The following AMN1 variants were observed in gnomAD, a reference collection of about 807,000 sequenced individuals.
AMN1 encodes the protein antagonist of mitotic exit network 1 homolog.
AMN1 carries 20 observed loss-of-function variants against 33.0 expected under a neutral mutation model. The observed-to-expected ratio is 0.61, with a 90% CI of 0.43 to 0.88. The LOEUF is 0.88. AMN1 is among the 40% of genes least tolerant of loss of function. AMN1 has a pLI of 0.00. For missense variants in AMN1, 246 were observed against 307.4 expected (o/e 0.80, Z 1.49); for synonymous variants, 114 against 111.9 (o/e 1.02, Z -0.12).
intron 6 of AMN1, among the ~76,000 whole-genome samples, chr12:31,684,583 G>C (rs933398850): frequency 3.3e-4 from 50 of 150,704 alleles, no homozygotes; most frequent in African/African-American, 1.1e-3. Flanking sequence ...CCATTCTCCT[G>C]CCTCAGCCTC....
intron 1 of AMN1, among the ~76,000 whole-genome samples, chr12:31,727,707 A>G (rs1286943161): frequency 1.3e-5 from 2 of 152,140 alleles, no homozygotes. Flanking sequence ...CCCGCTTGTG[A>G]TATTATTCTA....
chr12:31,705,263 C>T (rs1939177205), intron 2 of AMN1, among the ~76,000 whole-genome samples: 1 of 151,998 alleles, frequency 6.6e-6, no homozygotes. Context: ...TTTGGGAGGC[C>T]AAGGTGGGCA....
intron 6 of AMN1, among the ~76,000 whole-genome samples, chr12:31,680,197 C>A (rs191047585): frequency 4.4e-3 from 647 of 146,388 alleles, no homozygotes; most frequent in Non-Finnish European, 7.3e-3. Flanking sequence ...CTATAATTTT[C>A]TTTTCTTTTC....
At chr12:31,709,173 T>TAAAAA in intron 2 of AMN1, 120 bp downstream of exon 2, 1 of 930,904 alleles carries the variant, frequency 1.1e-6, no homozygotes, top group Non-Finnish European at 1.5e-6. Flanking sequence ...TGACCCTGTA[T>TAAAAA]AAAAAAAAAA....
intron 1 of AMN1, 145 bp from the exon 2 acceptor site, chr12:31,709,570 ACACTTT>A: frequency 2.3e-5 from 23 of 984,436 alleles, no homozygotes; most frequent in South Asian, 5.6e-5. Context: ...TGTAATCCCA[ACACTTT>A]GGGAAGCCCA....
chr12:31,676,505 G>C (rs1937708138), intron 6 of AMN1, among the ~76,000 whole-genome samples: 1 of 150,962 alleles, frequency 6.6e-6, no homozygotes, highest in Middle Eastern at 3.4e-3. Flanking sequence ...TGTATTTTTA[G>C]TAGAGATGGG....
At position 31,701,845 on chromosome 12, in the gene AMN1, CAG is replaced by C. The variant is rs1464139009; in HGVS notation, c.316+16_316+17del. ...GTGAATAGTAATCTACCAATGTACTCAGTGTTAATAAACATACCTTCTGAAGT... is the reference window on the plus strand; with the variant it reads ...GTGAATAGTAATCTACCAATGTACTCTGTTAATAAACATACCTTCTGAAGT... On this transcript the variant is annotated intron_variant, in intron 3 of 6. Coordinates refer to ENST00000281471, the MANE Select transcript of AMN1 (RefSeq NM_001113402.2). 1.3e-6 allele frequency: 2 copies of C among 1,579,588 alleles called. No individual in the cohort carries two copies. The highest frequency in any genetic ancestry group is 4.5e-5 in the East Asian group (2 of 44,200).
intron 1 of AMN1, among the ~76,000 whole-genome samples, chr12:31,728,062 C>T (rs1940151316): frequency 1.3e-5 from 2 of 151,966 alleles, no homozygotes; most frequent in African/African-American, 4.8e-5. Flanking sequence ...GGTTTCGCCA[C>T]GTTGCCCAGG....
At chr12:31,720,732 T>G (rs1317891696) in intron 1 of AMN1, among the ~76,000 whole-genome samples, 1 of 152,238 alleles carries the variant, frequency 6.6e-6, no homozygotes, top group Admixed American at 6.5e-5. Flanking sequence ...CATTGTAGTA[T>G]GTATCAGTAT....
At chr12:31,681,017 G>A (rs896178624) in intron 6 of AMN1, among the ~76,000 whole-genome samples, 6 of 152,150 alleles carry the variant, frequency 3.9e-5, no homozygotes, top group African/African-American at 1.4e-4. Flanking sequence ...TCCATTCAAT[G>A]ATGTTAGCAA....
At chr12:31,704,032 G>A (rs1939117913) in intron 2 of AMN1, among the ~76,000 whole-genome samples, 2 of 152,118 alleles carry the variant, frequency 1.3e-5, no homozygotes, top group South Asian at 4.1e-4. Context: ...TATCATAAAT[G>A]ATATTATAAT....
chr12:31,678,558 G>A (rs572175637), intron 6 of AMN1, among the ~76,000 whole-genome samples: 4 of 151,942 alleles, frequency 2.6e-5, no homozygotes, highest in Admixed American at 1.3e-4. Context: ...CACCACACCC[G>A]GCTAATTTTT....
At chr12:31,689,613 T>G (rs970522759) in intron 5 of AMN1, among the ~76,000 whole-genome samples, 1 of 152,180 alleles carries the variant, frequency 6.6e-6, no homozygotes, top group Admixed American at 6.6e-5. Flanking sequence ...AAACATGTAT[T>G]TGCTATATGA....
intron 5 of AMN1, among the ~76,000 whole-genome samples, chr12:31,693,295 T>C (rs1309647684): frequency 6.6e-6 from 1 of 151,988 alleles, no homozygotes; most frequent in Non-Finnish European, 1.5e-5. Context: ...TGGAGTGCAA[T>C]TGCGTGATCT....
At chr12:31,710,530 T>C (rs892624481) in intron 1 of AMN1, among the ~76,000 whole-genome samples, 14 of 148,196 alleles carry the variant, frequency 9.4e-5, no homozygotes, top group Admixed American at 2.8e-4. Context: ...ATATATTCTT[T>C]CTTATTTTTC....
rs191372621 is a variant in AMN1, at chr12:31,676,439, G to A, written c.704-4062C>T. Among the ~76,000 whole-genome samples, 104 of 150,848 alleles carry A rather than the reference G, an allele frequency of 6.9e-4. 1 individual carries two copies. In the East Asian group the frequency reaches 0.016, roughly 22 times the overall value. On this transcript the variant is annotated intron_variant, in intron 6 of 6. Transcript: ENST00000281471. ...AGCCTGGGCAACATGGCGAAACCCC[G>A]TCTCTACTAAAAATGCAAAAATTAG...
chr12:31,674,708 T>C (rs969195837), intron 6 of AMN1, among the ~76,000 whole-genome samples: 5 of 151,958 alleles, frequency 3.3e-5, no homozygotes, highest in African/African-American at 9.7e-5. Context: ...AACCACATGA[T>C]CATCTCAATA....
At chr12:31,710,369 T>A (rs922954058) in intron 1 of AMN1, among the ~76,000 whole-genome samples, 3 of 152,220 alleles carry the variant, frequency 2.0e-5, no homozygotes, top group African/African-American at 7.2e-5. Context: ...TCCCCATATA[T>A]ACAAAATTTT....
chr12:31,712,011 T>C (rs1048706463), intron 1 of AMN1, among the ~76,000 whole-genome samples: 4 of 152,052 alleles, frequency 2.6e-5, no homozygotes, highest in African/African-American at 7.2e-5. Flanking sequence ...GTTCCATCCA[T>C]GTTGCTGCAT....
Sources: gnomAD v4.1 joint callset for allele counts (sites outside exome capture counted in the v4.1 genomes callset) on GRCh38, gnomAD v4.1.1 for gene constraint, MANE v1.5 for transcripts, NCBI Gene and HGNC (gene_info 2026-07-23, HGNC 2026-07-21) for gene names.